IMMP2L: variants seen among roughly 807,000 people sequenced by gnomAD.
IMMP2L encodes inner mitochondrial membrane peptidase subunit 2.
In IMMP2L, 18 loss-of-function variants were observed where a neutral mutation model predicts 19.3. The ratio of observed to expected loss-of-function variants is 0.93; its 90% confidence interval spans 0.64 to 1.38. IMMP2L has a LOEUF of 1.38. Ranked by LOEUF, IMMP2L falls within the 40% of genes most tolerant of loss-of-function variation. IMMP2L has a pLI of 0.00. For synonymous variants in IMMP2L, 76 were observed against 73.0 expected, an observed-to-expected ratio of 1.04 and a Z score of -0.21; for missense variants, 233 against 218.2, an observed-to-expected ratio of 1.07 and a Z score of -0.43.
intron 3 of IMMP2L, among the ~76,000 whole-genome samples, chr7:111,444,521 A>G (rs895829566): frequency 1.3e-5 from 2 of 152,194 alleles, no homozygotes; most frequent in African/African-American, 4.8e-5. Flanking sequence ...AGTGATTATA[A>G]CAGCGTCTAG....
At chr7:111,432,565 TC>T (rs1180287284) in intron 3 of IMMP2L, among the ~76,000 whole-genome samples, 1 of 151,740 alleles carries the variant, frequency 6.6e-6, no homozygotes, top group African/African-American at 2.4e-5. Flanking sequence ...GGAACATACT[TC>T]AACATAATAA....
Position 111,162,338 on chromosome 7 carries a change from T to C in IMMP2L, c.240-198773A>G, listed in dbSNP as rs953972567. ...GATTATAATTTTACGAATTTATTCC[T>C]GAACTCATCTCAAGGAGCAATGACC... On this transcript the variant is annotated intron_variant, in intron 3 of 5. Transcript: ENST00000405709. Among the ~76,000 whole-genome samples the C allele has an allele frequency of 3.3e-5, 5 of 152,096 alleles. 1 individual carries two copies. Among genetic ancestry groups the C allele is most frequent in the African/African-American group, 1.2e-4 (5 of 41,430 alleles).
At chr7:111,343,063 A>T (rs541880345) in intron 3 of IMMP2L, among the ~76,000 whole-genome samples, 1 of 152,200 alleles carries the variant, frequency 6.6e-6, no homozygotes, top group East Asian at 1.9e-4. Context: ...CCAAGCTGAA[A>T]ATCCTTGCAA....
chr7:111,323,252 G>A (rs947519217), intron 3 of IMMP2L, among the ~76,000 whole-genome samples: 2 of 151,884 alleles, frequency 1.3e-5, no homozygotes, highest in Admixed American at 6.6e-5. Context: ...CTGACAAAGG[G>A]CTAATATCCA....
chr7:111,136,611 CA>C (rs1158653092), intron 3 of IMMP2L, among the ~76,000 whole-genome samples: 1 of 152,070 alleles, frequency 6.6e-6, no homozygotes, highest in Non-Finnish European at 1.5e-5. Context: ...AATATAGTAC[CA>C]GAAATTGGAT....
chr7:111,130,843 C>G (rs1801776332), intron 3 of IMMP2L, among the ~76,000 whole-genome samples: 1 of 151,972 alleles, frequency 6.6e-6, no homozygotes, highest in South Asian at 2.1e-4. Context: ...GTAAACATCT[C>G]TTTAATAATG....
Position 111,539,271 on chromosome 7 carries a change from A to AAAGAAAGG in IMMP2L, c.-2-17823_-2-17822insCCTTTCTT, listed in dbSNP as rs1238254080. On this transcript the variant is annotated intron_variant, in intron 1 of 5. Coordinates refer to ENST00000405709, the MANE Select transcript of IMMP2L (RefSeq NM_032549.4). ...GAAAGAAAGAAAGAAAGAAAGAAAG[A>AAAGAAAGG]GAACATACGTCGATTACTACATATA... is the stretch of plus-strand genomic sequence containing the variant. Among the ~76,000 whole-genome samples, 43 of 145,082 alleles carry AAAGAAAGG rather than the reference A, an allele frequency of 3.0e-4. 2 individuals carry two copies. Among genetic ancestry groups the AAAGAAAGG allele is most frequent in the African/African-American group, 6.7e-4 (26 of 38,650 alleles).
At chr7:111,109,226 C>T (rs1172392641) in intron 3 of IMMP2L, among the ~76,000 whole-genome samples, 1 of 151,640 alleles carries the variant, frequency 6.6e-6, no homozygotes, top group East Asian at 1.9e-4. Context: ...TTGCCAGCTA[C>T]ATGATAAACC....
At chr7:111,091,279 G>A (rs980170347) in intron 3 of IMMP2L, 1 of 152,194 alleles carries the variant, frequency 6.6e-6, no homozygotes, top group Non-Finnish European at 1.5e-5. Context: ...AAGGAATCCC[G>A]GCTGCAGCCT....
chr7:110,818,354 C>A (rs1802723320), intron 5 of IMMP2L, among the ~76,000 whole-genome samples: 1 of 152,128 alleles, frequency 6.6e-6, no homozygotes, highest in African/African-American at 2.4e-5. Context: ...CCAACAGACA[C>A]ATGAAAAAAT....
intron 1 of IMMP2L, among the ~76,000 whole-genome samples, chr7:111,559,973 A>G: frequency 6.6e-6 from 1 of 152,052 alleles, no homozygotes; most frequent in East Asian, 1.9e-4. Context: ...GGAGAAAAAG[A>G]AAGAAATTTA....
At chr7:111,496,633 T>G (rs1335178801) in intron 2 of IMMP2L, among the ~76,000 whole-genome samples, 3 of 152,150 alleles carry the variant, frequency 2.0e-5, no homozygotes, top group African/African-American at 7.2e-5. Flanking sequence ...TGGGACAACC[T>G]TCTTCTCTTT....
At chr7:110,671,261 G>A (rs1314474866) in intron 5 of IMMP2L, among the ~76,000 whole-genome samples, 3 of 151,992 alleles carry the variant, frequency 2.0e-5, no homozygotes, top group African/African-American at 7.3e-5. Flanking sequence ...AAAATTTGAG[G>A]ATTCATCCCT....
rs527306885 is a variant in IMMP2L, at chr7:110,935,135, T to G, written c.305+28365A>C. ...GTTATGTTTTTTCAGTGGCTGGTAC[T>G]GGTTGTTCCTTTACATGTTTAGTGC... On this transcript the variant is annotated intron_variant, in intron 4 of 5. Coordinates refer to ENST00000405709, the MANE Select transcript of IMMP2L (RefSeq NM_032549.4). Among the ~76,000 whole-genome samples the G allele has an allele frequency of 1.9e-3, 293 of 152,308 alleles. 3 individuals carry two copies. Among genetic ancestry groups the G allele is most frequent in the African/African-American group, 6.8e-3 (283 of 41,584 alleles).
chr7:111,271,642 G>A (rs555503189), intron 3 of IMMP2L, among the ~76,000 whole-genome samples: 6 of 151,988 alleles, frequency 3.9e-5, no homozygotes, highest in Non-Finnish European at 7.4e-5. Context: ...TGCTGGTCAC[G>A]GGACCACATT....
intron 3 of IMMP2L, among the ~76,000 whole-genome samples, chr7:111,461,848 G>A (rs1840162438): frequency 6.6e-6 from 1 of 151,908 alleles, no homozygotes; most frequent in Admixed American, 6.6e-5. Flanking sequence ...TGTATCACTT[G>A]CAACGTCACA....
intron 4 of IMMP2L, among the ~76,000 whole-genome samples, chr7:110,928,519 T>A (rs1815120063): frequency 6.9e-6 from 1 of 144,072 alleles, no homozygotes; most frequent in African/African-American, 2.5e-5. Context: ...AAGTTCAGTG[T>A]ACACACACAT....
At chr7:110,858,961 C>T (rs772320503) in intron 5 of IMMP2L, among the ~76,000 whole-genome samples, 6 of 152,072 alleles carry the variant, frequency 3.9e-5, no homozygotes, top group Non-Finnish European at 5.9e-5. Context: ...CCATAGTATT[C>T]AAATCACTTC....
At chr7:111,480,820 G>A (rs1842118715) in intron 3 of IMMP2L, among the ~76,000 whole-genome samples, 1 of 151,988 alleles carries the variant, frequency 6.6e-6, no homozygotes, top group African/African-American at 2.4e-5. Flanking sequence ...TTGATAACTG[G>A]CTTTTAATAC....
Sources: gnomAD v4.1 joint callset for allele counts (sites outside exome capture counted in the v4.1 genomes callset) on GRCh38, gnomAD v4.1.1 for gene constraint, MANE v1.5 for transcripts, NCBI Gene and HGNC (gene_info 2026-07-23, HGNC 2026-07-21) for gene names.